EPHB1: variants seen among roughly 807,000 people sequenced by gnomAD.
The protein encoded by EPHB1 is ephrin type-B receptor 1.
In EPHB1, 30 loss-of-function variants were observed where a neutral mutation model predicts 94.4. The ratio of observed to expected loss-of-function variants is 0.32; its 90% CI spans 0.24 to 0.43. The LOEUF (loss-of-function observed/expected upper bound fraction) is 0.43. EPHB1 is among the 20% of genes least tolerant of loss of function. The pLI is 1.00. For synonymous variants in EPHB1, 522 were observed against 489.1 expected, an observed-to-expected ratio of 1.07 and a Z score of -0.89; for missense variants, 1,055 against 1,308.3, an observed-to-expected ratio of 0.81 and a Z score of 2.99.
intron 1 of EPHB1, among the ~76,000 whole-genome samples, chr3:134,846,824 G>A (rs372610879): frequency 6.6e-6 from 1 of 152,182 alleles, no homozygotes; most frequent in Admixed American, 6.5e-5. Context: ...TTTACCCAGC[G>A]AAGTCACCTG....
At chr3:134,935,650 C>G (rs2107706965) in intron 2 of EPHB1, among the ~76,000 whole-genome samples, 1 of 152,206 alleles carries the variant, frequency 6.6e-6, no homozygotes. Context: ...GTACCACTTG[C>G]CCTGATTAGT....
At chr3:134,840,868 G>A (rs781726157) in intron 1 of EPHB1, among the ~76,000 whole-genome samples, 3 of 152,128 alleles carry the variant, frequency 2.0e-5, no homozygotes, top group Non-Finnish European at 2.9e-5. Context: ...TCCAGCACAG[G>A]GTGGGATTTA....
At chr3:134,831,581 C>T (rs1224850464) in intron 1 of EPHB1, among the ~76,000 whole-genome samples, 1 of 152,210 alleles carries the variant, frequency 6.6e-6, no homozygotes, top group Non-Finnish European at 1.5e-5. Flanking sequence ...GAAGTTCCCA[C>T]AAGCTGCCGC....
intron 3 of EPHB1, among the ~76,000 whole-genome samples, chr3:135,049,162 G>T (rs547177995): frequency 1.5e-4 from 23 of 152,312 alleles, no homozygotes; most frequent in African/African-American, 5.3e-4. Flanking sequence ...TTGCCATTGA[G>T]ATTTTTTGCT....
In EPHB1 at chr3:135,256,171, C is replaced by T. The variant is rs1015694412; in HGVS notation, c.2847-2841C>T. 8.7e-4 allele frequency among the ~76,000 whole-genome samples: 132 copies of T among 152,182 alleles called. 1 individual carries two copies. The highest frequency in any genetic ancestry group is 3.8e-4 in the Non-Finnish European group (26 of 68,014). ...CACTGATGGGTCTTGACTCTTTATC[C>T]AATTTGCCAGTCTGTGTCTTTTAAT... On this transcript the variant is annotated intron_variant, in intron 15 of 15. Transcript: ENST00000398015.
At chr3:134,809,823 C>T (rs1233644350) in intron 1 of EPHB1, among the ~76,000 whole-genome samples, 1 of 152,242 alleles carries the variant, frequency 6.6e-6, no homozygotes, top group African/African-American at 2.4e-5. Flanking sequence ...AAGCTGCCCT[C>T]TGATATGTTT....
chr3:134,821,703 AAGG>A (rs1560248622), intron 1 of EPHB1, among the ~76,000 whole-genome samples: 1 of 152,220 alleles, frequency 6.6e-6, no homozygotes, highest in African/African-American at 2.4e-5. Flanking sequence ...TCTGATGTTC[AAGG>A]AGGACTCCTA....
chr3:135,017,893 G>C (rs1935856061), intron 3 of EPHB1, among the ~76,000 whole-genome samples: 1 of 152,182 alleles, frequency 6.6e-6, no homozygotes, highest in Admixed American at 6.5e-5. Context: ...TTGAATTAAT[G>C]AAGGGGCCCT....
At chr3:134,805,611 G>A (rs912172906) in intron 1 of EPHB1, among the ~76,000 whole-genome samples, 1 of 152,002 alleles carries the variant, frequency 6.6e-6, no homozygotes, top group Non-Finnish European at 1.5e-5. Context: ...ATGTCCACAG[G>A]TGCATGTGCT....
At chr3:134,961,317 A>G (rs62270343) in intron 3 of EPHB1, among the ~76,000 whole-genome samples, 17,825 of 152,120 alleles carry the variant, frequency 0.12, 1,108 homozygotes, top group South Asian at 0.16. Flanking sequence ...CAGCGAGTCA[A>G]GCACACCCCA....
intron 1 of EPHB1, among the ~76,000 whole-genome samples, chr3:134,877,568 C>T (rs1028786506): frequency 6.6e-6 from 1 of 152,162 alleles, no homozygotes. Context: ...GGGTCACCAT[C>T]GGTCAGGAGA....
chr3:135,097,909 G>A (rs1938865675), intron 3 of EPHB1, among the ~76,000 whole-genome samples: 2 of 152,140 alleles, frequency 1.3e-5, no homozygotes, highest in South Asian at 2.1e-4. Context: ...AGTTTCCCCA[G>A]GTAAGCTAGG....
chr3:135,258,437 T>C (rs969976681), intron 15 of EPHB1, among the ~76,000 whole-genome samples: 12 of 152,204 alleles, frequency 7.9e-5, no homozygotes, highest in African/African-American at 2.4e-4. Flanking sequence ...ATTAATCCAA[T>C]TCAGTGCTCT....
chr3:134,799,157 C>T (rs767680434), intron 1 of EPHB1, among the ~76,000 whole-genome samples: 5 of 152,220 alleles, frequency 3.3e-5, no homozygotes, highest in African/African-American at 1.2e-4. Context: ...TGCTAGGGCA[C>T]TGAATTTCAC....
intron 4 of EPHB1, among the ~76,000 whole-genome samples, chr3:135,130,722 C>T (rs552643001): frequency 2.6e-5 from 4 of 152,108 alleles, no homozygotes; most frequent in South Asian, 2.1e-4. Context: ...CCCCTTCACC[C>T]GAGGCTGCTT....
At chr3:134,801,995 G>A (rs922844352) in intron 1 of EPHB1, among the ~76,000 whole-genome samples, 23 of 152,338 alleles carry the variant, frequency 1.5e-4, no homozygotes, top group African/African-American at 4.6e-4. Context: ...TAAAGTACAG[G>A]AAGCAAACAA....
chr3:135,194,532 C>T (rs1262777602), intron 11 of EPHB1, among the ~76,000 whole-genome samples: 1 of 152,100 alleles, frequency 6.6e-6, no homozygotes, highest in African/African-American at 2.4e-5. Context: ...TAAATGTGGA[C>T]CTATTTGGTA....
intron 15 of EPHB1, among the ~76,000 whole-genome samples, chr3:135,249,904 A>G (rs1349251313): frequency 6.6e-6 from 1 of 152,234 alleles, no homozygotes; most frequent in Admixed American, 6.5e-5. Context: ...TTATACTTAG[A>G]TAGCAGTTGT....
chr3:135,034,987 A>G (rs1207133216), intron 3 of EPHB1, among the ~76,000 whole-genome samples: 1 of 152,232 alleles, frequency 6.6e-6, no homozygotes, highest in Non-Finnish European at 1.5e-5. Context: ...AAGGCGGAGA[A>G]GAAAGCTGAG....
Sources: gnomAD v4.1 joint callset for allele counts (sites outside exome capture counted in the v4.1 genomes callset) on GRCh38, gnomAD v4.1.1 for gene constraint, MANE v1.5 for transcripts, NCBI Gene and HGNC (gene_info 2026-07-23, HGNC 2026-07-21) for gene names.